The following COPA variants were observed in gnomAD, a reference collection of about 807,000 sequenced individuals.
The protein encoded by COPA is coatomer subunit alpha.
Under a neutral mutation model 158.7 loss-of-function variants are expected in COPA, and 10 were observed. The ratio of observed to expected loss-of-function variants is 0.06; its 90% CI spans 0.04 to 0.11. COPA has a LOEUF of 0.11. Ranked by LOEUF, COPA falls within the 10% of genes least tolerant of loss-of-function variation. The probability of loss-of-function intolerance (pLI) is 1.00; values close to 1 mark genes in which losing one functional copy is unlikely to be tolerated. For synonymous variants in COPA, 462 were observed against 542.8 expected (o/e 0.85, Z 2.07); for missense variants, 1,065 against 1,536.7 (o/e 0.69, Z 5.13).
In COPA at chr1:160,343,121, T is replaced by A; in HGVS notation, c.40+10A>T. ...CCAACCTCCATGTTCCCCCTTTTAT[T>A]CTCCACTACCTTTGACCCGCGCGCT... On this transcript the variant is annotated intron_variant, in intron 1 of 32. Coordinates refer to ENST00000241704, the MANE Select transcript of COPA (RefSeq NM_004371.4). 1 of 1,613,980 alleles carries A rather than the reference T, an allele frequency of 6.2e-7. No individual in the cohort carries two copies. Among genetic ancestry groups the A allele is most frequent in the South Asian group, 1.1e-5 (1 of 91,064 alleles).
chr1:160,340,440 A>G (rs1647984702), intron 1 of COPA, 146 bp from the exon 2 acceptor site: 1 of 609,816 alleles, frequency 1.6e-6, no homozygotes, highest in Non-Finnish European at 2.9e-6. Flanking sequence ...GATGCCAGAC[A>G]TCGTGAATTT....
At chr1:160,327,707 A>C (rs1271572598) in intron 6 of COPA, among the ~76,000 whole-genome samples, 1 of 151,398 alleles carries the variant, frequency 6.6e-6, no homozygotes, top group Non-Finnish European at 1.5e-5. Flanking sequence ...AAAATACAAA[A>C]ATTAGCTGGG....
intron 8 of COPA, among the ~76,000 whole-genome samples, chr1:160,316,403 A>G (rs1158011767): frequency 6.6e-6 from 1 of 151,842 alleles, no homozygotes; most frequent in Admixed American, 6.6e-5. Flanking sequence ...ATGAAAAGGA[A>G]CAAAGACTAC....
intron 6 of COPA, among the ~76,000 whole-genome samples, chr1:160,328,525 C>T (rs938559849): frequency 3.4e-4 from 51 of 152,134 alleles, no homozygotes; most frequent in Non-Finnish European, 2.4e-4. Context: ...GGAGAGGACA[C>T]TCTCAGAATG....
chr1:160,341,927 A>G, intron 1 of COPA, among the ~76,000 whole-genome samples: 1 of 152,202 alleles, frequency 6.6e-6, no homozygotes, highest in East Asian at 1.9e-4. Flanking sequence ...AGGAGCAGAA[A>G]AGAAAACTGA....
At chr1:160,305,301 C>T in intron 17 of COPA, 132 bp downstream of exon 17, 1 of 811,968 alleles carries the variant, frequency 1.2e-6, no homozygotes, top group Non-Finnish European at 2.0e-6. Flanking sequence ...TTCTGATGCC[C>T]CTTGCACATA....
intron 3 of COPA, chr1:160,339,300 A>G (rs1364050007): frequency 2.0e-5 from 3 of 152,136 alleles, no homozygotes; most frequent in Non-Finnish European, 4.4e-5. Context: ...GTCTTGCCCA[A>G]ATCATCCAAT....
In COPA at chr1:160,314,070, A is replaced by G. The variant is rs1176308441; in HGVS notation, c.762T>C (p.Cys254=). 1 of 1,613,874 alleles carries G rather than the reference A, an allele frequency of 6.2e-7. No homozygotes were observed. The highest frequency in any genetic ancestry group is 8.5e-7 in the Non-Finnish European group (1 of 1,179,992). Residue 254 remains cysteine (C), a synonymous_variant, in exon 9 of 33, where the codon TGT becomes TGC. Transcript: ENST00000241704. ...ACTCTTGGCGAGGGTGGAAGACGGC[A>G]CAAGATACATTGTTGTAATGGCCCC... is the stretch of plus-strand genomic sequence containing the variant. ...TCRGHYNNVS[C]AVFHPRQELI...
At position 160,315,357 on chromosome 1, in the gene COPA, C is replaced by A. The variant is rs536131722; in HGVS notation, c.707-1232G>T. ...AAAGCGGGGAGGCAAGACTATCACACCCAGCCCCAGAAACTCTGCTCTGTT... is the reference window on the plus strand; with the variant it reads ...AAAGCGGGGAGGCAAGACTATCACAACCAGCCCCAGAAACTCTGCTCTGTT... On this transcript the variant is annotated intron_variant, in intron 8 of 32. Coordinates refer to ENST00000241704, the MANE Select transcript of COPA (RefSeq NM_004371.4). Among the ~76,000 whole-genome samples the A allele has an allele frequency of 2.4e-4, 37 of 152,334 alleles. 1 individual carries two copies. In the South Asian group the frequency reaches 6.8e-3, roughly 28 times the overall value.
chr1:160,300,132 G>A (rs1658548890), intron 17 of COPA, among the ~76,000 whole-genome samples: 2 of 151,988 alleles, frequency 1.3e-5, no homozygotes, highest in Admixed American at 6.6e-5. Context: ...ATGAAGCCAG[G>A]AGTTCAAGAC....
intron 8 of COPA, among the ~76,000 whole-genome samples, chr1:160,315,904 G>A (rs2101849645): frequency 6.6e-6 from 1 of 152,292 alleles, no homozygotes; most frequent in East Asian, 1.9e-4. Flanking sequence ...AAATTTACCA[G>A]AGAAGTTTAA....
At position 160,292,153 on chromosome 1, in the gene COPA, C is replaced by T. The variant is rs1416745317; in HGVS notation, c.3006G>A (p.Lys1002=). The change falls in exon 29 of 33, where the codon AAG becomes AAA. Residue 1002 remains lysine (K), a synonymous_variant. Coordinates refer to ENST00000241704, the MANE Select transcript of COPA (RefSeq NM_004371.4). ...GCAACCGTTGGATGAGGTCATTAAG[C>T]TTCAGGCCCACAGCTGGTACACCAT... The part of the protein sequence containing the change: ...LKNGVPAVGL[K]LNDLIQRLQL... The T allele has an allele frequency of 1.2e-6, 2 of 1,613,870 alleles. No homozygotes were observed. Among genetic ancestry groups the T allele is most frequent in the Non-Finnish European group, 1.7e-6 (2 of 1,180,038 alleles).
intron 2 of COPA, 82 bp downstream of exon 2, chr1:160,340,099 A>T (rs1647967194): frequency 6.8e-7 from 1 of 1,478,696 alleles, no homozygotes. Flanking sequence ...TCATAGAGGA[A>T]TCCATGTCAA....
chr1:160,326,600 G>A (rs181564494), intron 6 of COPA, among the ~76,000 whole-genome samples: 2 of 152,310 alleles, frequency 1.3e-5, no homozygotes, highest in Admixed American at 1.3e-4. Flanking sequence ...GCTGATGGGG[G>A]AAGTTCCAAA....
intron 10 of COPA, 83 bp from the exon 11 acceptor site, chr1:160,312,101 A>T: frequency 1.4e-6 from 2 of 1,425,500 alleles, no homozygotes; most frequent in Non-Finnish European, 1.9e-6. Context: ...AAGGATGAAG[A>T]TTATATCTGT....
At chr1:160,331,920 C>T (rs1395228430) in intron 6 of COPA, among the ~76,000 whole-genome samples, 1 of 151,882 alleles carries the variant, frequency 6.6e-6, no homozygotes, top group Admixed American at 6.6e-5. Flanking sequence ...TGCGCTCCAG[C>T]CTGGGCAACA....
chr1:160,296,273 C>A, intron 21 of COPA, 124 bp from the exon 22 acceptor site: 1 of 734,500 alleles, frequency 1.4e-6, no homozygotes, highest in South Asian at 1.6e-5. Context: ...TGCAAAATAC[C>A]CACCTCTTAA....
At chr1:160,335,134 A>G in intron 4 of COPA, 108 bp downstream of exon 4, 1 of 928,318 alleles carries the variant, frequency 1.1e-6, no homozygotes, top group East Asian at 2.8e-5. Flanking sequence ...TAGAAGAGCC[A>G]CTCCAAAAAC....
At chr1:160,306,276 G>A (rs533218791) in intron 15 of COPA, 78 bp downstream of exon 15, 1 of 1,487,636 alleles carries the variant, frequency 6.7e-7, no homozygotes, top group East Asian at 2.3e-5. Flanking sequence ...AACTCACTTG[G>A]GGAAAAAAGG....
Sources: allele counts gnomAD v4.1 joint callset (sites outside exome capture counted in the v4.1 genomes callset), GRCh38; gene constraint gnomAD v4.1.1; transcripts MANE v1.5; gene names NCBI Gene and HGNC (gene_info 2026-07-23, HGNC 2026-07-21).